Variants in SLC19A1 observed in about 807,000 individuals in gnomAD.
The protein encoded by SLC19A1 is reduced folate transporter.
Under a neutral mutation model 35.3 loss-of-function variants are expected in SLC19A1, and 37 were observed. That is an observed-to-expected ratio of 1.05 (90% confidence interval 0.81 to 1.38). SLC19A1 has a LOEUF of 1.38. SLC19A1 is among the 40% of genes most tolerant of loss of function. SLC19A1 has a pLI of 0.00. For missense variants in SLC19A1, 831 were observed against 826.9 expected (o/e 1.00, Z -0.06); for synonymous variants, 460 against 398.5 (o/e 1.15, Z -1.84).
In SLC19A1 at chr21:45,534,731, G is replaced by A; in HGVS notation, c.190-2583C>T. 2 of 761,796 alleles carry A rather than the reference G, an allele frequency of 2.6e-6. No individual in the cohort carries two copies. The allele number at this position is 761,796 out of a possible 1,614,324, so 47.2% of individuals were successfully genotyped here. A position where few individuals can be genotyped will look rare whatever the true frequency, so the allele number is the denominator to read the frequency against. ...CCCTACTCCCTCTTCCTCAGCCTTG[G>A]CAGGCAGACAGCAGGGAGGCTCTGC... On this transcript the variant is annotated intron_variant, in intron 2 of 5. Coordinates refer to ENST00000311124, the MANE Select transcript of SLC19A1 (RefSeq NM_194255.4). The surrounding 1 kb of genome is among the most constrained non-coding windows in gnomAD (Gnocchi z 4.2).
At position 45,534,681 on chromosome 21, in the gene SLC19A1, C is replaced by A; in HGVS notation, c.190-2533G>T. 8.0e-7 allele frequency: 1 copy of A among 1,245,600 alleles called. No individual in the cohort carries two copies. The highest frequency in any genetic ancestry group is 1.3e-5 in the South Asian group (1 of 77,040). 77.2% of individuals were successfully genotyped at this position (1,245,600 alleles called of 1,614,324 possible). On this transcript the variant is annotated intron_variant, in intron 2 of 5. Coordinates refer to ENST00000311124, the MANE Select transcript of SLC19A1 (RefSeq NM_194255.4). This position sits in a 1 kb window ranked among gnomAD's most constrained non-coding sequence, Gnocchi z 4.2. Reference sequence around the variant, plus strand: ...GGCAGCCACCCAGAGCCCTCCCGCTCCTCTCCCTGCACCTCCTCAACGGCC... The same window carrying A: ...GGCAGCCACCCAGAGCCCTCCCGCTACTCTCCCTGCACCTCCTCAACGGCC...
chr21:45,527,012 AT>A (rs1390615016), intron 4 of SLC19A1, among the ~76,000 whole-genome samples: 1 of 152,288 alleles, frequency 6.6e-6, no homozygotes, highest in African/African-American at 2.4e-5. Context: ...TCAGAAAATC[AT>A]CATCAAGAGA....
chr21:45,555,183 CAGGGGGCGGCGGGGGCGG>C lies in SLC19A1; in HGVS notation c.-50+7541_-50+7558del, dbSNP rs1569031860. Among the ~76,000 whole-genome samples the C allele has an allele frequency of 3.1e-4, 10 of 32,504 alleles. 1 individual carries two copies. The East Asian group carries it at 7.8e-3, about 25-fold the overall frequency. 21.3% of individuals were successfully genotyped at this position (32,504 alleles called of 152,430 possible). On this transcript the variant is annotated intron_variant, in intron 1 of 5. Transcript: ENST00000650808. ...GGCGGGGGCGGCGCAGGGGGCGGTGCAGGGGGCGGCGGGGGCGGCGCAGGGGGCGGTGGGGGGCGCCGG... is the reference window on the plus strand; with the variant it reads ...GGCGGGGGCGGCGCAGGGGGCGGTGCCGCAGGGGGCGGTGGGGGGCGCCGG...
At chr21:45,505,663 G>C (rs956151432) in intron 3 of SLC19A1, among the ~76,000 whole-genome samples, 3 of 152,196 alleles carry the variant, frequency 2.0e-5, no homozygotes, top group Admixed American at 6.5e-5. Context: ...CGGAGGCGCA[G>C]GAGCTGGCGG....
upstream of SLC19A1, chr21:45,542,543 C>G (rs1040074747): frequency 5.4e-4 from 82 of 151,148 alleles, no homozygotes; most frequent in African/African-American, 1.9e-3. Flanking sequence ...GGCGCTGCGG[C>G]AGGAGCGTCC....
chr21:45,558,166 A>C (rs572253585), intron 1 of SLC19A1, among the ~76,000 whole-genome samples: 3 of 152,226 alleles, frequency 2.0e-5, no homozygotes, highest in Non-Finnish European at 4.4e-5. Flanking sequence ...CTTCGGGGCC[A>C]AGGCTCTCTA....
chr21:45,512,095 G>A, downstream of SLC19A1: 7 of 1,388,700 alleles, frequency 5.0e-6, no homozygotes, highest in Admixed American at 9.8e-5. Flanking sequence ...CCCCAGGGCT[G>A]GCCTCCTGCC....
chr21:45,555,310 G>T lies in SLC19A1; in HGVS notation c.-50+7432C>A, dbSNP rs1188130997. Reference sequence around the variant, plus strand: ...AGGGGGCGGCGCAGGGGGCGGCGGGGGCGGCGGGGGGCGGCGGGGGGCGGC... The same window carrying T: ...AGGGGGCGGCGCAGGGGGCGGCGGGTGCGGCGGGGGGCGGCGGGGGGCGGC... On this transcript the variant is annotated intron_variant, in intron 1 of 5. Coordinates refer to the SLC19A1 transcript ENST00000650808. 1.2e-3 allele frequency among the ~76,000 whole-genome samples: 3 copies of T among 2,414 alleles called. 1 individual carries two copies. In the African/African-American group the frequency reaches 0.014, roughly 11 times the overall value. 1.6% of individuals were successfully genotyped at this position (2,414 alleles called of 152,430 possible).
chr21:45,505,009 AG>A (rs2146079387), intron 3 of SLC19A1: 2 of 1,228,478 alleles, frequency 1.6e-6, no homozygotes, highest in South Asian at 2.6e-5. Flanking sequence ...GTGGGCAGGG[AG>A]GGGACCGGTG....
chr21:45,532,267 C>T (rs1292863420), intron 2 of SLC19A1, 119 bp from the exon 3 acceptor site: 3 of 779,500 alleles, frequency 3.8e-6, no homozygotes, highest in South Asian at 1.7e-5. Flanking sequence ...CCTGGTGGGA[C>T]CCCTCTCCCC....
In SLC19A1 at chr21:45,504,042, G is replaced by A. The variant is rs1327492137; in HGVS notation, c.498-5430C>T. ...TTCCGTTTGACTTTCTTCAGTTGGA[G>A]GCTGAAATGAAGGTGGGTGACCTCC... On this transcript the variant is annotated intron_variant, in intron 3 of 4. Coordinates refer to the SLC19A1 transcript ENST00000417954. 1.9e-6 allele frequency: 3 copies of A among 1,613,718 alleles called. No individual in the cohort carries two copies. The highest frequency in any genetic ancestry group is 2.5e-6 in the Non-Finnish European group (3 of 1,180,002).
At chr21:45,544,902 C>T (rs761073793), upstream of SLC19A1, among the ~76,000 whole-genome samples, 1 of 152,176 alleles carries the variant, frequency 6.6e-6, no homozygotes, top group Non-Finnish European at 1.5e-5. Flanking sequence ...CCACCCACTG[C>T]CTTCTGAGAC....
downstream of SLC19A1, chr21:45,510,021 G>A (rs752899480): frequency 2.0e-5 from 30 of 1,533,248 alleles, no homozygotes; most frequent in Admixed American, 9.8e-5. Flanking sequence ...GGGTGCAGGG[G>A]GCAGCGTGGG....
chr21:45,515,467 G>A lies in SLC19A1; in HGVS notation c.*191C>T. ...GCACAGTGCAGGGACAGCATGGCCA[G>A]GCAGCTGCCCTGAGTGTCGCCAGCA... On this transcript the variant is annotated 3_prime_UTR_variant, in exon 6 of 6. Transcript: ENST00000311124. 2 of 1,488,808 alleles carry A rather than the reference G, an allele frequency of 1.3e-6. No individual in the cohort carries two copies. The highest frequency in any genetic ancestry group is 2.7e-5 in the South Asian group (2 of 73,318). 92.2% of individuals were successfully genotyped at this position (1,488,808 alleles called of 1,614,324 possible).
Position 45,531,969 on chromosome 21 carries a change from C to T in SLC19A1, c.369G>A (p.Glu123=), listed in dbSNP as rs1399941021. The T allele has an allele frequency of 6.2e-7, 1 of 1,609,572 alleles. No homozygotes were observed. The change falls in exon 3 of 6, where the codon GAG becomes GAA. Residue 123 remains glutamate, a synonymous_variant. Coordinates refer to ENST00000311124, the MANE Select transcript of SLC19A1 (RefSeq NM_194255.4). ...GHSVAHMQLM[E]LFYSVTMAAR... is the part of the protein sequence containing the mutation. ...CGGCCATGGTGACGCTGTAGAAGAG[C>T]TCCATGAGCTGCATGTGCGCCACCG...
At position 45,532,067 on chromosome 21, in the gene SLC19A1, G is replaced by A. The variant is rs147537422; in HGVS notation, c.271C>T (p.Arg91Cys). ...TGCAGCAGCAGCACCGGCGTGTAGC[G>A]CAGGTAGTCGGTGAGCAGGAACACG... The part of the protein sequence containing the change: ...VPVFLLTDYL[R>C]YTPVLLLQGL... The change falls in exon 3 of 6, where the codon CGC becomes TGC. Residue 91 changes from arginine (R) to cysteine (C), a missense_variant. By Grantham distance (180) the Arg-to-Cys change is radical. Coordinates refer to ENST00000311124, the MANE Select transcript of SLC19A1 (RefSeq NM_194255.4). The A allele has an allele frequency of 4.5e-5, 73 of 1,612,370 alleles. No homozygotes were observed. Among genetic ancestry groups the A allele is most frequent in the Non-Finnish European group, 5.8e-5 (69 of 1,179,662 alleles).
upstream of SLC19A1, among the ~76,000 whole-genome samples, chr21:45,548,914 A>G (rs377368020): frequency 4.6e-5 from 7 of 152,212 alleles, no homozygotes; most frequent in African/African-American, 1.4e-4. Flanking sequence ...CTAAGTGTTG[A>G]CAAGGCTGTG....
At chr21:45,560,351 A>G (rs1270729950) in intron 1 of SLC19A1, among the ~76,000 whole-genome samples, 13 of 126,474 alleles carry the variant, frequency 1.0e-4, no homozygotes, top group South Asian at 2.6e-4. Context: ...GGTGCCCACT[A>G]TGGCCCCCAC....
At chr21:45,509,401 G>A (rs775390699), downstream of SLC19A1, 315 of 1,543,386 alleles carry the variant, frequency 2.0e-4, no homozygotes, top group Non-Finnish European at 2.5e-4. Flanking sequence ...GCAGCTGCAC[G>A]ACAGCAACCC....
Sources: allele counts gnomAD v4.1 joint callset (sites outside exome capture counted in the v4.1 genomes callset), GRCh38; gene constraint gnomAD v4.1.1; non-coding constraint Gnocchi (gnomAD v3.1); transcripts MANE v1.5; gene names NCBI Gene and HGNC (gene_info 2026-07-23, HGNC 2026-07-21).